The following RNF216 variants were observed in gnomAD, a reference collection of about 807,000 sequenced individuals.
RNF216 encodes the protein E3 ubiquitin-protein ligase RNF216.
Under a neutral mutation model 110.8 loss-of-function variants are expected in RNF216, and 72 were observed. The ratio of observed to expected loss-of-function variants is 0.65; its 90% CI spans 0.54 to 0.79. The LOEUF (loss-of-function observed/expected upper bound fraction) is 0.79. Among genes scored for constraint, RNF216 ranks in the 30% least tolerant of loss-of-function variants. The pLI, the probability that RNF216 is intolerant of heterozygous loss-of-function variation, is 0.00. For missense variants in RNF216, 1,342 were observed against 1,141.2 expected, an observed-to-expected ratio of 1.18 and a Z score of -2.54; for synonymous variants, 495 against 407.5, an observed-to-expected ratio of 1.21 and a Z score of -2.59.
intron 13 of RNF216, among the ~76,000 whole-genome samples, chr7:5,654,765 T>TACATTTAA (rs1364954067): frequency 7.6e-6 from 1 of 131,694 alleles, no homozygotes; most frequent in African/African-American, 2.9e-5. Flanking sequence ...TGACAGGACA[T>TACATTTAA]ACATTTAAAC....
intron 13 of RNF216, among the ~76,000 whole-genome samples, chr7:5,702,950 A>G (rs1406911491): frequency 6.6e-6 from 1 of 152,132 alleles, no homozygotes; most frequent in African/African-American, 2.4e-5. Flanking sequence ...GGGGACCAAT[A>G]TGAGCTGAGA....
At chr7:5,673,592 C>T (rs963500307) in intron 13 of RNF216, among the ~76,000 whole-genome samples, 3 of 152,114 alleles carry the variant, frequency 2.0e-5, no homozygotes, top group Admixed American at 1.3e-4. Flanking sequence ...AGACCACAGC[C>T]CAGAATGAGG....
chr7:5,659,655 AC>A (rs1222940604), intron 13 of RNF216, among the ~76,000 whole-genome samples: 1 of 152,112 alleles, frequency 6.6e-6, no homozygotes, highest in Non-Finnish European at 1.5e-5. Flanking sequence ...ACCTTGCAGC[AC>A]CCCCTTTCTA....
rs553055874 is a variant in RNF216 at position 5,728,168 on chromosome 7, C to G, written c.1389+1264G>C. On this transcript the variant is annotated intron_variant, in intron 7 of 16. Transcript: ENST00000389902. ...ATCTTCCACGACCCCTTTCACCAAA[C>G]TCCTATGTGGGTCTGTGATTAAATG... Among the ~76,000 whole-genome samples the G allele has an allele frequency of 1.4e-4, 21 of 152,320 alleles. No homozygotes were observed. The South Asian group carries it at 4.1e-3, about 30-fold the overall frequency.
intron 8 of RNF216, among the ~76,000 whole-genome samples, chr7:5,724,797 C>A (rs528075723): frequency 1.1e-4 from 17 of 152,246 alleles, no homozygotes; most frequent in African/African-American, 3.6e-4. Flanking sequence ...CAGATAAAAT[C>A]TGAGTTGTTA....
chr7:5,743,717 G>A (rs544650519), intron 3 of RNF216, among the ~76,000 whole-genome samples: 62 of 152,278 alleles, frequency 4.1e-4, no homozygotes, highest in Non-Finnish European at 1.5e-4. Flanking sequence ...ATGCTAAACT[G>A]GTAACAACAG....
rs549826769 is a variant in RNF216 at position 5,736,087 on chromosome 7, C to T, written c.1121+3189G>A. The stretch of plus-strand genomic sequence containing the variant: ...TAGCCTAGGTGACAGAGTGAGACTC[C>T]GTCTCAAAAATAAATAAATAGCTCT... On this transcript the variant is annotated intron_variant, in intron 5 of 16. Transcript: ENST00000389902. 3.7e-4 allele frequency among the ~76,000 whole-genome samples: 55 copies of T among 150,032 alleles called. 1 individual carries two copies. The South Asian group carries it at 0.01, about 28-fold the overall frequency.
rs1038570273 is a variant in RNF216, at chr7:5,696,373, C to A, written c.2061+15388G>T. 6.6e-6 allele frequency among the ~76,000 whole-genome samples: 1 copy of A among 152,174 alleles called. No individual in the cohort carries two copies. The highest frequency in any genetic ancestry group is 1.5e-5 in the Non-Finnish European group (1 of 68,038). On this transcript the variant is annotated intron_variant, in intron 13 of 16. Coordinates refer to ENST00000389902, the MANE Select transcript of RNF216 (RefSeq NM_207111.4). The surrounding 1 kb of genome is among the most constrained non-coding windows in gnomAD (Gnocchi z 5.4). ...GACATGCCTTCGGCTGGAAAACAAG[C>A]CTTTTTAAATGACTGGGAAAAAACT...
Position 5,622,164 on chromosome 7 carries a change from G to C in RNF216, c.*696C>G, listed in dbSNP as rs755572169. 2 of 152,312 alleles carry C rather than the reference G, an allele frequency of 1.3e-5. No individual in the cohort carries two copies. The highest frequency in any genetic ancestry group is 2.9e-5 in the Non-Finnish European group (2 of 68,106). The allele number at this position is 152,312 out of a possible 1,614,324, so 9.4% of individuals were successfully genotyped here. A position where few individuals can be genotyped will look rare whatever the true frequency, so the allele number is the denominator to read the frequency against. ...TCAGAACCATCCAGTGTACCGCAGC[G>C]GCCTGGCCTGGGAAAGGATTTCTCA... On this transcript the variant is annotated 3_prime_UTR_variant, in exon 17 of 17. Coordinates refer to ENST00000389902, the MANE Select transcript of RNF216 (RefSeq NM_207111.4).
chr7:5,779,889 C>CG (rs1363283662), intron 1 of RNF216: 1 of 150,244 alleles, frequency 6.7e-6, no homozygotes, highest in Non-Finnish European at 1.5e-5. Context: ...GAGGAGCTGA[C>CG]GGGACATACT....
intron 4 of RNF216, among the ~76,000 whole-genome samples, chr7:5,740,138 T>G (rs1448626729): frequency 1.8e-5 from 2 of 111,318 alleles, no homozygotes; most frequent in Non-Finnish European, 3.7e-5. Context: ...TTTTTTTTTT[T>G]TTTTGTGAGA....
At position 5,741,139 on chromosome 7, in the gene RNF216, G is replaced by A. The variant is rs763753865; in HGVS notation, c.878C>T (p.Ala293Val). 6.2e-7 allele frequency: 1 copy of A among 1,614,132 alleles called. No individual in the cohort carries two copies. The highest frequency in any genetic ancestry group is 8.5e-7 in the Non-Finnish European group (1 of 1,180,040). ...GTCTTCAAACTCTCCTAGAGGATGG[G>A]CAGGCTGAGGAGAAGAGGGGCCTGA... The part of the protein sequence containing the change: ...GISGPSSPQP[A>V]HPLGEFEDQQ... Residue 293 changes from alanine to valine, a missense_variant, in exon 4 of 17, where the codon GCC (alanine) becomes GTC (valine). Coordinates refer to ENST00000389902, the MANE Select transcript of RNF216 (RefSeq NM_207111.4).
At chr7:5,708,621 C>T (rs781239242) in intron 13 of RNF216, among the ~76,000 whole-genome samples, 6 of 152,324 alleles carry the variant, frequency 3.9e-5, no homozygotes, top group South Asian at 2.1e-4. Context: ...TTTGCTAAAT[C>T]GTAGGCTAAT....
rs946404827 is a variant in RNF216, at chr7:5,696,055, C to T, written c.2061+15706G>A. 6.6e-6 allele frequency among the ~76,000 whole-genome samples: 1 copy of T among 152,286 alleles called. No homozygotes were observed. Among genetic ancestry groups the T allele is most frequent in the South Asian group, 2.1e-4 (1 of 4,824 alleles). ...CTGTGGCTCTCAGCACAACCCAGCA[C>T]GGCCTTGATCCCTGACTCCCAGGAG... On this transcript the variant is annotated intron_variant, in intron 13 of 16. Transcript: ENST00000389902. The surrounding 1 kb of genome is among the most constrained non-coding windows in gnomAD (Gnocchi z 5.4).
At chr7:5,772,639 G>C (rs544997077) in intron 1 of RNF216, among the ~76,000 whole-genome samples, 12 of 152,072 alleles carry the variant, frequency 7.9e-5, no homozygotes, top group African/African-American at 2.4e-5. Flanking sequence ...AGAGTTAATA[G>C]TCAAATAATA....
chr7:5,725,029 G>GT (rs913334264), intron 8 of RNF216, among the ~76,000 whole-genome samples: 23 of 152,266 alleles, frequency 1.5e-4, no homozygotes, highest in African/African-American at 5.5e-4. Flanking sequence ...TTTGAGACCA[G>GT]TTTTTCCCCC....
chr7:5,736,933 C>T (rs1327187871), intron 5 of RNF216, among the ~76,000 whole-genome samples: 1 of 151,934 alleles, frequency 6.6e-6, no homozygotes, highest in East Asian at 1.9e-4. Flanking sequence ...GCAGCCGCCC[C>T]GTCCGGGAGG....
At chr7:5,631,498 C>A (rs546286779) in intron 15 of RNF216, among the ~76,000 whole-genome samples, 3 of 152,314 alleles carry the variant, frequency 2.0e-5, no homozygotes, top group African/African-American at 7.2e-5. Flanking sequence ...TCTCAGCTCA[C>A]TGGTTTTGGT....
At chr7:5,704,133 A>G (rs892822668) in intron 13 of RNF216, among the ~76,000 whole-genome samples, 6 of 152,234 alleles carry the variant, frequency 3.9e-5, no homozygotes, top group African/African-American at 1.4e-4. Flanking sequence ...TCTCCATTTC[A>G]TCAAAGATAC....
Sources: gnomAD v4.1 joint callset for allele counts (sites outside exome capture counted in the v4.1 genomes callset) on GRCh38, gnomAD v4.1.1 for gene constraint, Gnocchi (gnomAD v3.1) non-coding constraint, MANE v1.5 for transcripts, NCBI Gene and HGNC (gene_info 2026-07-23, HGNC 2026-07-21) for gene names.